Variants in RAB7A observed in about 807,000 individuals in gnomAD.
RAB7A encodes RAB7A, member RAS oncogene family, also known as ras-related protein Rab-7a.
Under a neutral mutation model 24.5 loss-of-function variants are expected in RAB7A, and 2 were observed. The observed-to-expected ratio is 0.08, with a 90% CI of 0.03 to 0.26. The LOEUF is 0.26. RAB7A is among the 10% of genes least tolerant of loss of function. The pLI, the probability that RAB7A is intolerant of heterozygous loss-of-function variation, is 1.00. For missense variants in RAB7A, 118 were observed against 255.7 expected, an observed-to-expected ratio of 0.46 and a Z score of 3.67; for synonymous variants, 100 against 95.9, an observed-to-expected ratio of 1.04 and a Z score of -0.25.
At chr3:128,785,736 A>G (rs1219461189) in intron 1 of RAB7A, among the ~76,000 whole-genome samples, 2 of 149,512 alleles carry the variant, frequency 1.3e-5, no homozygotes, top group Non-Finnish European at 3.0e-5. Flanking sequence ...GCGACAGAGC[A>G]AGACTGTCTC....
chr3:128,737,825 GTTT>G (rs56027163), intron 1 of RAB7A, among the ~76,000 whole-genome samples: 7 of 59,490 alleles, frequency 1.2e-4, no homozygotes, highest in African/African-American at 1.9e-4. Context: ...TTTTTTTGTA[GTTT>G]TTTTTTTTTT....
chr3:128,776,061 C>A (rs1004884228), intron 1 of RAB7A, among the ~76,000 whole-genome samples: 1 of 152,110 alleles, frequency 6.6e-6, no homozygotes, highest in Non-Finnish European at 1.5e-5. Flanking sequence ...CCCTCAGGTT[C>A]TGGTAACTAC....
chr3:128,802,615 A>G (rs1357714820), intron 3 of RAB7A, among the ~76,000 whole-genome samples: 2 of 131,408 alleles, frequency 1.5e-5, no homozygotes, highest in African/African-American at 7.0e-5. Flanking sequence ...GGTTCAAGCA[A>G]TTCTGCCTCA....
chr3:128,778,157 T>G (rs1933137217), intron 1 of RAB7A, among the ~76,000 whole-genome samples: 2 of 152,240 alleles, frequency 1.3e-5, no homozygotes, highest in African/African-American at 4.8e-5. Flanking sequence ...TAGAATTGTT[T>G]AGACCAACAC....
At chr3:128,809,336 A>T (rs1203774477) in intron 5 of RAB7A, among the ~76,000 whole-genome samples, 2 of 152,238 alleles carry the variant, frequency 1.3e-5, no homozygotes, top group Non-Finnish European at 2.9e-5. Context: ...CCAGCAAGCA[A>T]TAGGTGTCAC....
chr3:128,796,797 G>A (rs1933585891), intron 2 of RAB7A, among the ~76,000 whole-genome samples: 1 of 152,020 alleles, frequency 6.6e-6, no homozygotes, highest in South Asian at 2.1e-4. Context: ...AGAGTAGCTG[G>A]GACCACCAGT....
intron 5 of RAB7A, among the ~76,000 whole-genome samples, chr3:128,810,071 C>G (rs1398144345): frequency 6.7e-6 from 1 of 150,130 alleles, no homozygotes; most frequent in African/African-American, 2.5e-5. Flanking sequence ...GCCTCAGCCT[C>G]CTGAGTAGCT....
At chr3:128,751,782 A>G (rs769008185) in intron 1 of RAB7A, among the ~76,000 whole-genome samples, 8 of 152,130 alleles carry the variant, frequency 5.3e-5, no homozygotes, top group Admixed American at 2.0e-4. Flanking sequence ...ATATGGTTTG[A>G]CTATGTCCCC....
rs553333091 is a variant in RAB7A at position 128,742,871 on chromosome 3, G to T, written c.-9+16512G>T. Among the ~76,000 whole-genome samples, 8 of 152,338 alleles carry T rather than the reference G, an allele frequency of 5.3e-5. No individual in the cohort carries two copies. The South Asian group carries it at 1.7e-3, about 32-fold the overall frequency. On this transcript the variant is annotated intron_variant, in intron 1 of 5. Coordinates refer to ENST00000265062, the MANE Select transcript of RAB7A (RefSeq NM_004637.6). ...GGAGCCCAGCTGGCTTCGCCTAGCG[G>T]ATCCCGTGCCAGGGCCACGGGCGGA...
chr3:128,784,466 C>T (rs1018543349), intron 1 of RAB7A, among the ~76,000 whole-genome samples: 4 of 152,152 alleles, frequency 2.6e-5, no homozygotes, highest in Non-Finnish European at 4.4e-5. Context: ...CACTGTCCAC[C>T]GCAGGGTCTC....
chr3:128,756,134 G>A (rs189685728), intron 1 of RAB7A, among the ~76,000 whole-genome samples: 85 of 152,170 alleles, frequency 5.6e-4, no homozygotes, highest in African/African-American at 2.0e-3. Context: ...TCAGAAGTTC[G>A]ATACCAGCCT....
chr3:128,776,679 T>C (rs962856941), intron 1 of RAB7A, among the ~76,000 whole-genome samples: 2 of 152,146 alleles, frequency 1.3e-5, no homozygotes, highest in Non-Finnish European at 2.9e-5. Context: ...AACATGTGAG[T>C]GCAGATCTCT....
chr3:128,785,286 C>A (rs1933313997), intron 1 of RAB7A: 1 of 152,034 alleles, frequency 6.6e-6, no homozygotes, highest in Non-Finnish European at 1.5e-5. Flanking sequence ...AGTAGAGTGA[C>A]CCCTCAGAAG....
chr3:128,769,617 G>C (rs952944915), intron 1 of RAB7A, among the ~76,000 whole-genome samples: 1 of 152,208 alleles, frequency 6.6e-6, no homozygotes, highest in Non-Finnish European at 1.5e-5. Flanking sequence ...AAGAGCAGAA[G>C]CTCTTAGTGT....
At chr3:128,763,783 T>C (rs975658189) in intron 1 of RAB7A, among the ~76,000 whole-genome samples, 1 of 152,008 alleles carries the variant, frequency 6.6e-6, no homozygotes, top group South Asian at 2.1e-4. Context: ...CTGAATCCCT[T>C]CATTAAAGAT....
Position 128,726,301 on chromosome 3 carries a change from C to T in RAB7A, c.-67C>T, listed in dbSNP as rs1040777360. 36 of 152,342 alleles carry T rather than the reference C, an allele frequency of 2.4e-4. No individual in the cohort carries two copies. The highest frequency in any genetic ancestry group is 8.4e-4 in the African/African-American group (35 of 41,558). The allele number at this position is 152,342 out of a possible 1,614,324, so 9.4% of individuals were successfully genotyped here. ...TCGCTTCTGTCCTCCGTTTAGTCTC[C>T]TCCTCGGCGGGAGCCCTCGCGACGC... On this transcript the variant is annotated 5_prime_UTR_variant, in exon 1 of 6. Coordinates refer to ENST00000265062, the MANE Select transcript of RAB7A (RefSeq NM_004637.6).
chr3:128,744,394 G>A (rs1186895998), intron 1 of RAB7A, among the ~76,000 whole-genome samples: 3 of 152,248 alleles, frequency 2.0e-5, no homozygotes, highest in Non-Finnish European at 2.9e-5. Flanking sequence ...CCCTCTTAGA[G>A]GGACTGATCC....
Position 128,788,623 on chromosome 3 carries a change from C to T in RAB7A, c.-8-6737C>T, listed in dbSNP as rs576190248. 3.3e-5 allele frequency among the ~76,000 whole-genome samples: 5 copies of T among 152,338 alleles called. No individual in the cohort carries two copies. The East Asian group carries it at 9.6e-4, about 29-fold the overall frequency. On this transcript the variant is annotated intron_variant, in intron 1 of 5. Transcript: ENST00000265062. The stretch of plus-strand genomic sequence containing the variant: ...TATACTTTGCTTTCAATTCCTGCAA[C>T]ACCATAAAGCCTTCACCTCCACGTG...
chr3:128,768,164 G>GTA (rs1321692528), intron 1 of RAB7A, among the ~76,000 whole-genome samples: 1 of 152,156 alleles, frequency 6.6e-6, no homozygotes, highest in African/African-American at 2.4e-5. Context: ...AATGGGATCT[G>GTA]TATATATACT....
Sources: allele counts gnomAD v4.1 joint callset (sites outside exome capture counted in the v4.1 genomes callset), GRCh38; gene constraint gnomAD v4.1.1; transcripts MANE v1.5; gene names NCBI Gene and HGNC (gene_info 2026-07-23, HGNC 2026-07-21).